The following SNTB1 variants were observed in gnomAD, a reference collection of about 807,000 sequenced individuals.
SNTB1 encodes syntrophin beta 1.
SNTB1 carries 36 observed loss-of-function variants against 48.9 expected under a neutral mutation model. The ratio of observed to expected loss-of-function variants is 0.74; its 90% confidence interval spans 0.56 to 0.97. SNTB1 has a LOEUF of 0.97. SNTB1 is among the 50% of genes least tolerant of loss of function. The pLI is 0.00. For synonymous variants in SNTB1, 299 were observed against 294.6 expected (o/e 1.01, Z -0.15); for missense variants, 786 against 703.4 (o/e 1.12, Z -1.33).
chr8:120,698,756 C>A (rs554153479), intron 1 of SNTB1, among the ~76,000 whole-genome samples: 1 of 152,226 alleles, frequency 6.6e-6, no homozygotes, highest in Non-Finnish European at 1.5e-5. Flanking sequence ...GACTAAGCAG[C>A]CCCAGGCAGG....
intron 1 of SNTB1, among the ~76,000 whole-genome samples, chr8:120,719,680 A>G (rs1818623356): frequency 1.3e-5 from 2 of 152,184 alleles, no homozygotes; most frequent in South Asian, 2.1e-4. Context: ...AACCCGAGAC[A>G]AGGACTTGAG....
At chr8:120,628,184 C>T (rs529234542) in intron 3 of SNTB1, among the ~76,000 whole-genome samples, 27 of 152,218 alleles carry the variant, frequency 1.8e-4, no homozygotes, top group African/African-American at 6.5e-4. Flanking sequence ...ACCGAGATAA[C>T]AAGGGAAAGC....
chr8:120,734,770 C>A (rs1200655154), intron 1 of SNTB1, among the ~76,000 whole-genome samples: 1 of 152,184 alleles, frequency 6.6e-6, no homozygotes, highest in Admixed American at 6.5e-5. Context: ...GCATCTATGT[C>A]ATGTGGCCAG....
At chr8:120,584,544 G>A (rs1456075218) in intron 3 of SNTB1, among the ~76,000 whole-genome samples, 1 of 151,804 alleles carries the variant, frequency 6.6e-6, no homozygotes, top group Non-Finnish European at 1.5e-5. Flanking sequence ...TTTAAAGCTG[G>A]TGGTTTAAAA....
chr8:120,632,043 A>G (rs956099913), intron 3 of SNTB1, among the ~76,000 whole-genome samples: 1 of 152,192 alleles, frequency 6.6e-6, no homozygotes, highest in Non-Finnish European at 1.5e-5. Flanking sequence ...ATTCAAACAA[A>G]CAGGCTCATC....
At chr8:120,547,575 A>C (rs1367914528) in intron 5 of SNTB1, among the ~76,000 whole-genome samples, 7 of 148,192 alleles carry the variant, frequency 4.7e-5, no homozygotes, top group Admixed American at 1.4e-4. Flanking sequence ...CCAGGTGACA[A>C]GAGCAAAACA....
intron 1 of SNTB1, among the ~76,000 whole-genome samples, chr8:120,779,752 C>T (rs1181899866): frequency 1.3e-5 from 2 of 152,048 alleles, no homozygotes; most frequent in African/African-American, 2.4e-5. Flanking sequence ...ATAAAACATT[C>T]GTCTGTTACC....
Position 120,649,923 on chromosome 8 carries a change from C to T in SNTB1, c.789-17272G>A, listed in dbSNP as rs548278092. On this transcript the variant is annotated intron_variant, in intron 2 of 6. Coordinates refer to ENST00000517992, the MANE Select transcript of SNTB1 (RefSeq NM_021021.4). ...GCGCAGTATTCGGGTGGGAGTGACC[C>T]GATTTTCCAGGTGCTGTCCATCACC... 1.2e-4 allele frequency among the ~76,000 whole-genome samples: 18 copies of T among 152,266 alleles called. No homozygotes were observed. In the South Asian group the frequency reaches 3.5e-3, roughly 30 times the overall value.
At chr8:120,696,995 C>G (rs1307075555) in intron 1 of SNTB1, among the ~76,000 whole-genome samples, 1 of 152,136 alleles carries the variant, frequency 6.6e-6, no homozygotes, top group Non-Finnish European at 1.5e-5. Flanking sequence ...GAAGGTGAGA[C>G]TGGGTGTACT....
chr8:120,583,604 A>G (rs979340207), intron 3 of SNTB1, among the ~76,000 whole-genome samples: 1 of 151,952 alleles, frequency 6.6e-6, no homozygotes, highest in South Asian at 2.1e-4. Context: ...CTGAATCGGT[A>G]GTTTAAAATG....
At chr8:120,771,624 C>T (rs182336034) in intron 1 of SNTB1, among the ~76,000 whole-genome samples, 1 of 151,686 alleles carries the variant, frequency 6.6e-6, no homozygotes, top group Admixed American at 6.6e-5. Flanking sequence ...CACTTCAGCT[C>T]GAGGGTGTGA....
In SNTB1 at chr8:120,693,914, A is replaced by G. The variant is rs1368554797; in HGVS notation, c.572-6T>C. 1 of 1,610,554 alleles carries G rather than the reference A, an allele frequency of 6.2e-7. No individual in the cohort carries two copies. The highest frequency in any genetic ancestry group is 1.1e-5 in the South Asian group (1 of 90,934). ...GGCTTCTCGCATGTACTTCACTGCA[A>G]GGAAAAAGACAACAAGTGCTTTTAA... On this transcript the variant is annotated splice_region_variant and splice_polypyrimidine_tract_variant and intron_variant, in intron 1 of 6. Coordinates refer to ENST00000517992, the MANE Select transcript of SNTB1 (RefSeq NM_021021.4).
In SNTB1 at chr8:120,811,415, G is replaced by T; in HGVS notation, c.429C>A (p.Phe143Leu). ...NKMPILISKI[F>L]KGLAADQTQA... ...GGGTCTGGTCCGCCGCCAGCCCCTT[G>T]AAGATCTTGCTGATGAGGATGGGCA... Residue 143 changes from phenylalanine to leucine, a missense_variant, in exon 1 of 7, where the codon TTC (phenylalanine) becomes TTA (leucine). By Grantham distance (22) the Phe-to-Leu change is conservative. Transcript: ENST00000517992. The T allele has an allele frequency of 6.2e-7, 1 of 1,613,984 alleles. No individual in the cohort carries two copies. The highest frequency in any genetic ancestry group is 8.5e-7 in the Non-Finnish European group (1 of 1,179,908).
In SNTB1 at chr8:120,653,964, C is replaced by T. The variant is rs545095823; in HGVS notation, c.789-21313G>A. ...CTGAGGCAGGAGAATGGCGTGAACC[C>T]GGAAAGCGGAGCTTGCAGTGAGCCC... On this transcript the variant is annotated intron_variant, in intron 2 of 6. Coordinates refer to ENST00000517992, the MANE Select transcript of SNTB1 (RefSeq NM_021021.4). 8.0e-4 allele frequency among the ~76,000 whole-genome samples: 110 copies of T among 137,210 alleles called. No homozygotes were observed. The South Asian group carries it at 0.025, about 31-fold the overall frequency. The allele number at this position is 137,210 out of a possible 152,430, so 90.0% of individuals were successfully genotyped here.
rs547154887 is a variant in SNTB1 at position 120,811,814 on chromosome 8, AGCCGCC to A, written c.24_29del (p.Ala9_Ala10del). On this transcript the variant is annotated inframe_deletion, in exon 1 of 7. Transcript: ENST00000517992. ...GGCCGCCTCCCGCGCCAGCCGGCCCAGCCGCCGCCGCCGCCGCCGCTACCGCCATCT... is the reference window on the plus strand; with the variant it reads ...GGCCGCCTCCCGCGCCAGCCGGCCCAGCCGCCGCCGCCGCTACCGCCATCT... 30 of 1,353,898 alleles carry A rather than the reference AGCCGCC, an allele frequency of 2.2e-5. No individual in the cohort carries two copies. Among genetic ancestry groups the A allele is most frequent in the South Asian group, 6.1e-5 (3 of 49,030 alleles). The allele number at this position is 1,353,898 out of a possible 1,614,324, so 83.9% of individuals were successfully genotyped here. A position where few individuals can be genotyped will look rare whatever the true frequency, so the allele number is the denominator to read the frequency against.
chr8:120,708,239 A>G (rs1442971672), intron 1 of SNTB1, among the ~76,000 whole-genome samples: 1 of 151,780 alleles, frequency 6.6e-6, no homozygotes, highest in Non-Finnish European at 1.5e-5. Context: ...GAAAATAGAG[A>G]GCATGGTTAG....
chr8:120,633,534 G>A (rs1817019298), intron 2 of SNTB1, among the ~76,000 whole-genome samples: 3 of 152,256 alleles, frequency 2.0e-5, no homozygotes, highest in Middle Eastern at 3.4e-3. Flanking sequence ...GAACCCGGGA[G>A]GCAGAAGTTG....
At chr8:120,768,089 C>T (rs1466179586) in intron 1 of SNTB1, among the ~76,000 whole-genome samples, 3 of 152,134 alleles carry the variant, frequency 2.0e-5, no homozygotes, top group South Asian at 2.1e-4. Context: ...TTTTGAGGTT[C>T]TAAGTGCACT....
At chr8:120,645,239 AT>A (rs1229937368) in intron 2 of SNTB1, among the ~76,000 whole-genome samples, 1 of 152,150 alleles carries the variant, frequency 6.6e-6, no homozygotes, top group African/African-American at 2.4e-5. Flanking sequence ...ATCCTTGCCC[AT>A]GCCTATGTCC....
Sources: allele counts gnomAD v4.1 joint callset (sites outside exome capture counted in the v4.1 genomes callset), GRCh38; gene constraint gnomAD v4.1.1; transcripts MANE v1.5; gene names NCBI Gene and HGNC (gene_info 2026-07-23, HGNC 2026-07-21).